Variants in RAB12 observed in about 807,000 individuals in gnomAD.
RAB12 encodes the protein RAB12, member RAS oncogene family, also known as ras-related protein Rab-12.
RAB12 carries 11 observed loss-of-function variants against 28.4 expected under a neutral mutation model. The ratio of observed to expected loss-of-function variants is 0.39; its 90% CI spans 0.24 to 0.64. RAB12 has a LOEUF of 0.64. RAB12 is among the 30% of genes least tolerant of loss of function. The pLI is 0.50. For missense variants in RAB12, 276 were observed against 351.1 expected (o/e 0.79, Z 1.71); for synonymous variants, 138 against 145.3 (o/e 0.95, Z 0.36).
chr18:8,626,668 G>T (rs894623201), intron 2 of RAB12, among the ~76,000 whole-genome samples: 1 of 152,186 alleles, frequency 6.6e-6, no homozygotes, highest in Non-Finnish European at 1.5e-5. Context: ...AATCCCCCTC[G>T]GGGAGAAAGT....
chr18:8,615,150 G>A (rs998499223), intron 1 of RAB12, among the ~76,000 whole-genome samples: 2 of 152,168 alleles, frequency 1.3e-5, no homozygotes, highest in Non-Finnish European at 2.9e-5. Flanking sequence ...CTTTGGACCT[G>A]CGGTTGAGCT....
intron 1 of RAB12, among the ~76,000 whole-genome samples, chr18:8,622,074 A>AT (rs1249974024): frequency 1.3e-5 from 2 of 152,220 alleles, no homozygotes; most frequent in African/African-American, 4.8e-5. Context: ...AGTCTGACAT[A>AT]TTCAGACTCC....
chr18:8,619,993 T>G (rs1359240117), intron 1 of RAB12, among the ~76,000 whole-genome samples: 1 of 151,912 alleles, frequency 6.6e-6, no homozygotes, highest in Admixed American at 6.6e-5. Context: ...AATCAGTTAG[T>G]GACAGTGGTG....
intron 1 of RAB12, among the ~76,000 whole-genome samples, chr18:8,611,632 G>A (rs1195342248): frequency 3.9e-5 from 6 of 152,182 alleles, no homozygotes; most frequent in Non-Finnish European, 7.3e-5. Context: ...TGGGCACCTG[G>A]AACCAAAAGA....
intron 1 of RAB12, among the ~76,000 whole-genome samples, chr18:8,619,096 T>C (rs1310786506): frequency 1.3e-5 from 2 of 152,200 alleles, no homozygotes; most frequent in African/African-American, 2.4e-5. Flanking sequence ...TTATTATAAA[T>C]TGGCAGTGAC....
intron 3 of RAB12, 131 bp from the exon 4 acceptor site, chr18:8,635,402 A>G: frequency 2.9e-6 from 2 of 679,614 alleles, no homozygotes; most frequent in Admixed American, 2.9e-5. Flanking sequence ...GGGAACTGGT[A>G]GAACCTCAAA....
chr18:8,610,796 A>G (rs1389384776), intron 1 of RAB12, among the ~76,000 whole-genome samples: 1 of 152,256 alleles, frequency 6.6e-6, no homozygotes, highest in African/African-American at 2.4e-5. Flanking sequence ...GTTCTTTAAA[A>G]TAAAGGGCAG....
At chr18:8,624,390 A>G (rs898820812) in intron 1 of RAB12, among the ~76,000 whole-genome samples, 1 of 152,192 alleles carries the variant, frequency 6.6e-6, no homozygotes, top group Non-Finnish European at 1.5e-5. Context: ...TGGGTATGTT[A>G]ATTTGTGTAA....
At chr18:8,636,092 G>A in intron 4 of RAB12, 161 bp from the exon 5 acceptor site, 2 of 604,432 alleles carry the variant, frequency 3.3e-6, no homozygotes, top group South Asian at 3.8e-5. Flanking sequence ...TGCTTATAAT[G>A]TAAGAATTTG....
At chr18:8,611,732 A>G (rs943593013) in intron 1 of RAB12, among the ~76,000 whole-genome samples, 1 of 152,192 alleles carries the variant, frequency 6.6e-6, no homozygotes, top group Admixed American at 6.5e-5. Flanking sequence ...ATGCTTGGGA[A>G]TAAGGAAGAA....
At chr18:8,617,007 G>T (rs181760778) in intron 1 of RAB12, among the ~76,000 whole-genome samples, 41 of 152,274 alleles carry the variant, frequency 2.7e-4, no homozygotes, top group Non-Finnish European at 4.4e-4. Flanking sequence ...AGAGATTTTG[G>T]AGGCAGGCAT....
At position 8,609,581 on chromosome 18, in the gene RAB12, C is replaced by G. The variant is rs2096002450; in HGVS notation, c.142C>G (p.Pro48Ala). Residue 48 changes from proline (P) to alanine (A), a missense_variant, in exon 1 of 6, where the codon CCG (proline) becomes GCG (alanine). Physicochemically the swap from Pro to Ala is conservative, Grantham distance 27. Coordinates refer to ENST00000649141, the MANE Select transcript of RAB12 (RefSeq NM_001025300.3). ...GCAGTTGCAGCGCGGAGCCCACGGG[C>G]CGCCGGGGCCGCTCCAGCGGGCGGA... ...AAQLQRGAHG[P>A]PGPLQRAEAE... 1 of 199,704 alleles carries G rather than the reference C, an allele frequency of 5.0e-6. No individual in the cohort carries two copies. The highest frequency in any genetic ancestry group is 2.4e-5 in the African/African-American group (1 of 41,748). The allele number at this position is 199,704 out of a possible 1,614,324, so 12.4% of individuals were successfully genotyped here. A position where few individuals can be genotyped will look rare whatever the true frequency, so the allele number is the denominator to read the frequency against.
intron 1 of RAB12, among the ~76,000 whole-genome samples, chr18:8,614,512 A>G (rs1325332782): frequency 7.1e-6 from 1 of 141,728 alleles, no homozygotes; most frequent in Non-Finnish European, 1.6e-5. Context: ...CATTAAAAAA[A>G]AAAAAAGAAA....
chr18:8,615,677 G>T (rs113747796), intron 1 of RAB12, among the ~76,000 whole-genome samples: 21 of 152,312 alleles, frequency 1.4e-4, no homozygotes, highest in African/African-American at 4.6e-4. Context: ...TTTATTTAAT[G>T]AACTTAATGC....
At chr18:8,618,229 G>A (rs2096007739) in intron 1 of RAB12, among the ~76,000 whole-genome samples, 1 of 152,110 alleles carries the variant, frequency 6.6e-6, no homozygotes, top group Non-Finnish European at 1.5e-5. Flanking sequence ...TTTGCTGGGT[G>A]GGAGCGTGCC....
intron 1 of RAB12, among the ~76,000 whole-genome samples, chr18:8,619,689 C>A (rs1282526607): frequency 6.6e-6 from 1 of 152,142 alleles, no homozygotes; most frequent in Non-Finnish European, 1.5e-5. Flanking sequence ...TGACTGTAGG[C>A]AAATTACCCT....
intron 1 of RAB12, among the ~76,000 whole-genome samples, chr18:8,620,164 T>TTTTAATA (rs1241560251): frequency 1.8e-5 from 1 of 55,350 alleles, no homozygotes. Flanking sequence ...TTTTTTTGCT[T>TTTTAATA]CAAAAAAAAA....
chr18:8,622,081 C>CTCCATTGTTAGCAGAGAAAACT (rs2096010160), intron 1 of RAB12, among the ~76,000 whole-genome samples: 1 of 152,140 alleles, frequency 6.6e-6, no homozygotes, highest in African/African-American at 2.4e-5. Flanking sequence ...CATATTCAGA[C>CTCCATTGTTAGCAGAGAAAACT]TCCATTGTTA....
chr18:8,631,303 A>C (rs2096015875), intron 2 of RAB12, among the ~76,000 whole-genome samples: 2 of 152,240 alleles, frequency 1.3e-5, no homozygotes, highest in Middle Eastern at 3.2e-3. Flanking sequence ...AGACTTAAAT[A>C]GTGTCAATTG....
Sources: allele counts gnomAD v4.1 joint callset (sites outside exome capture counted in the v4.1 genomes callset), GRCh38; gene constraint gnomAD v4.1.1; transcripts MANE v1.5; gene names NCBI Gene and HGNC (gene_info 2026-07-23, HGNC 2026-07-21).